The following SYCE2 variants were observed in gnomAD, a reference collection of about 807,000 sequenced individuals.
SYCE2 encodes synaptonemal complex central element protein 2.
Under a neutral mutation model 27.9 loss-of-function variants are expected in SYCE2, and 3 were observed. The observed-to-expected ratio is 0.11, with a 90% CI of 0.05 to 0.28. The LOEUF (loss-of-function observed/expected upper bound fraction) is 0.28. Among genes scored for constraint, SYCE2 ranks in the 10% least tolerant of loss-of-function variants. The probability of loss-of-function intolerance (pLI) is 1.00; values close to 1 mark genes in which losing one functional copy is unlikely to be tolerated. For synonymous variants in SYCE2, 85 were observed against 100.7 expected, an observed-to-expected ratio of 0.84 and a Z score of 0.93; for missense variants, 207 against 263.5, an observed-to-expected ratio of 0.79 and a Z score of 1.48.
chr19:12,913,432 A>G (rs2090460986), intron 2 of SYCE2, among the ~76,000 whole-genome samples: 1 of 152,144 alleles, frequency 6.6e-6, no homozygotes, highest in Non-Finnish European at 1.5e-5. Context: ...ACTTATGACC[A>G]CCGAGGGTGG....
At chr19:12,916,057 C>T (rs1202446629) in intron 2 of SYCE2, among the ~76,000 whole-genome samples, 9 of 150,752 alleles carry the variant, frequency 6.0e-5, no homozygotes. Context: ...ACAATACTGC[C>T]ATATCAGCCT....
chr19:12,918,972 T>C (rs1169331881), intron 1 of SYCE2, among the ~76,000 whole-genome samples: 2 of 144,600 alleles, frequency 1.4e-5, no homozygotes, highest in Non-Finnish European at 3.0e-5. Flanking sequence ...AAAAAAGAAA[T>C]GAAAGAAACG....
chr19:12,918,016 G>A (rs1388939478), intron 2 of SYCE2, among the ~76,000 whole-genome samples: 4 of 152,068 alleles, frequency 2.6e-5, no homozygotes, highest in Admixed American at 1.3e-4. Flanking sequence ...CAGCCATTTC[G>A]GAGGCTGAGG....
intron 2 of SYCE2, 131 bp downstream of exon 2, chr19:12,918,091 T>G: frequency 1.4e-6 from 1 of 708,246 alleles, no homozygotes; most frequent in Admixed American, 2.5e-5. Flanking sequence ...CACTGCGTGG[T>G]GACAAAGCAA....
At chr19:12,914,729 C>T (rs1383386823) in intron 2 of SYCE2, among the ~76,000 whole-genome samples, 1 of 152,210 alleles carries the variant, frequency 6.6e-6, no homozygotes, top group African/African-American at 2.4e-5. Context: ...CCTGCCTAAC[C>T]CTCCCAAGTA....
At chr19:12,917,826 AT>A in intron 2 of SYCE2, among the ~76,000 whole-genome samples, 1 of 150,434 alleles carries the variant, frequency 6.6e-6, no homozygotes, top group Admixed American at 6.6e-5. Context: ...TGCCCAGCTA[AT>A]TTTGTATTTT....
At chr19:12,909,574 AT>A (rs199750097) in intron 2 of SYCE2, among the ~76,000 whole-genome samples, 50 of 150,722 alleles carry the variant, frequency 3.3e-4, no homozygotes, top group African/African-American at 1.1e-3. Context: ...TTTTTAATTA[AT>A]TTTTTTTTCA....
At chr19:12,916,357 T>G (rs1344500735) in intron 2 of SYCE2, among the ~76,000 whole-genome samples, 1 of 152,100 alleles carries the variant, frequency 6.6e-6, no homozygotes, top group Non-Finnish European at 1.5e-5. Context: ...GTTGAGCCAC[T>G]GCGCCCGGCC....
chr19:12,918,660 G>T (rs1971183480), intron 1 of SYCE2, among the ~76,000 whole-genome samples: 1 of 152,092 alleles, frequency 6.6e-6, no homozygotes, highest in Non-Finnish European at 1.5e-5. Flanking sequence ...AGAGGTAGGA[G>T]AAAAGAGATG....
At chr19:12,905,205 A>G (rs1379570015) in intron 2 of SYCE2, among the ~76,000 whole-genome samples, 5 of 152,172 alleles carry the variant, frequency 3.3e-5, no homozygotes, top group Admixed American at 1.3e-4. Flanking sequence ...AAACAGACCA[A>G]GAGGCACGAC....
chr19:12,904,552 G>A lies in SYCE2; in HGVS notation c.246C>T (p.Asn82=). 6.2e-7 allele frequency: 1 copy of A among 1,614,096 alleles called. No homozygotes were observed. The highest frequency in any genetic ancestry group is 8.5e-7 in the Non-Finnish European group (1 of 1,180,030). ...GTGCATGGTCCTTTTGCCGGCTCTT[G>A]TTGATGTTTTCGATCAGCTCCTGGG... The part of the protein sequence containing the change: ...KRAQELIENI[N]KSRQKDHALM... The change falls in exon 3 of 6, where the codon AAC becomes AAT. Residue 82 remains asparagine, a synonymous_variant. Transcript: ENST00000293695.
intron 2 of SYCE2, among the ~76,000 whole-genome samples, chr19:12,908,276 CTTTTTTT>C (rs34286819): frequency 1.2e-5 from 1 of 85,530 alleles, no homozygotes; most frequent in Admixed American, 1.3e-4. Flanking sequence ...ATTTTCTGGG[CTTTTTTT>C]TTTTTTTTTT....
In SYCE2 at chr19:12,899,990, T is replaced by G. The variant is rs1599624371; in HGVS notation, c.612+14A>C. The G allele has an allele frequency of 6.2e-7, 1 of 1,612,970 alleles. No individual in the cohort carries two copies. The highest frequency in any genetic ancestry group is 8.5e-7 in the Non-Finnish European group (1 of 1,179,950). ...TCTGACCCCAAGGTGTCAGGCCGGT[T>G]TACTGGTAACCACCTGAGAAGTAGT... On this transcript the variant is annotated intron_variant, in intron 5 of 5. Transcript: ENST00000293695.
At chr19:12,908,854 C>T (rs1036329662) in intron 2 of SYCE2, among the ~76,000 whole-genome samples, 1 of 152,170 alleles carries the variant, frequency 6.6e-6, no homozygotes, top group Non-Finnish European at 1.5e-5. Flanking sequence ...TGGGCCTCTG[C>T]TGTCTTCTTG....
chr19:12,911,257 G>C (rs1244387771), intron 2 of SYCE2, among the ~76,000 whole-genome samples: 1 of 152,060 alleles, frequency 6.6e-6, no homozygotes, highest in East Asian at 1.9e-4. Context: ...ACAAACGTGA[G>C]CCACAGTGTC....
intron 3 of SYCE2, among the ~76,000 whole-genome samples, chr19:12,901,205 T>TACAC (rs1024314396): frequency 6.7e-6 from 1 of 149,816 alleles, no homozygotes; most frequent in African/African-American, 2.5e-5. Context: ...AATAAATAAA[T>TACAC]AAATACACAA....
intron 2 of SYCE2, among the ~76,000 whole-genome samples, chr19:12,907,651 C>T (rs192080132): frequency 2.6e-5 from 4 of 152,146 alleles, no homozygotes; most frequent in African/African-American, 7.2e-5. Context: ...ATTACCCAGG[C>T]ATGGTGGCAT....
Position 12,898,849 on chromosome 19 carries a change from C to T in SYCE2, c.*492G>A, listed in dbSNP as rs2145957558. On this transcript the variant is annotated 3_prime_UTR_variant, in exon 6 of 6. Coordinates refer to ENST00000293695, the MANE Select transcript of SYCE2 (RefSeq NM_001105578.2). ...TTGGCTCTAAAAAGGAGGCTACAAT[C>T]TGCCTTCTGCTTCAAGGAGCTGGGG... is the stretch of plus-strand genomic sequence containing the variant. 1.1e-5 allele frequency: 2 copies of T among 176,756 alleles called. No homozygotes were observed. The allele number at this position is 176,756 out of a possible 1,614,324, so 10.9% of individuals were successfully genotyped here.
chr19:12,910,034 T>G (rs1045824017), intron 2 of SYCE2, among the ~76,000 whole-genome samples: 15 of 151,676 alleles, frequency 9.9e-5, no homozygotes, highest in African/African-American at 3.6e-4. Flanking sequence ...ACCCAGCTAA[T>G]TTTTGTATTT....
Sources: allele counts gnomAD v4.1 joint callset (sites outside exome capture counted in the v4.1 genomes callset), GRCh38; gene constraint gnomAD v4.1.1; transcripts MANE v1.5; gene names NCBI Gene and HGNC (gene_info 2026-07-23, HGNC 2026-07-21).